Variants in R3HCC1L observed in about 807,000 individuals in gnomAD.
R3HCC1L encodes R3H domain and coiled-coil containing 1 like.
R3HCC1L carries 51 observed loss-of-function variants against 59.9 expected under a neutral mutation model. The ratio of observed to expected loss-of-function variants is 0.85; its 90% CI spans 0.68 to 1.07. The LOEUF is 1.07. R3HCC1L is among the 50% of genes least tolerant of loss of function. The pLI, the probability that R3HCC1L is intolerant of heterozygous loss-of-function variation, is 0.00. For synonymous variants in R3HCC1L, 322 were observed against 315.2 expected (o/e 1.02, Z -0.23); for missense variants, 965 against 933.0 (o/e 1.03, Z -0.45).
At chr10:98,140,245 C>T (rs953061956) in intron 1 of R3HCC1L, among the ~76,000 whole-genome samples, 3 of 152,126 alleles carry the variant, frequency 2.0e-5, no homozygotes, top group African/African-American at 4.8e-5. Context: ...GTATGCCAGT[C>T]GTCCTGTTTC....
chr10:98,213,321 C>T (rs191088550), intron 5 of R3HCC1L, among the ~76,000 whole-genome samples: 3 of 152,280 alleles, frequency 2.0e-5, no homozygotes, highest in East Asian at 3.9e-4. Context: ...GTTAAAGGCA[C>T]TGTGCTGCAT....
rs1012182832 is a variant in R3HCC1L, at chr10:98,156,786, C to T, written c.-213+639C>T. On this transcript the variant is annotated intron_variant, in intron 2 of 9. Coordinates refer to ENST00000298999, the MANE Select transcript of R3HCC1L (RefSeq NM_001351015.2). The stretch of plus-strand genomic sequence containing the variant: ...TCAGAAGTAAGGGGCTAAGCTAACA[C>T]TGATTGGCTTGTAAAAGAAAAGTAA... Among the ~76,000 whole-genome samples the T allele has an allele frequency of 2.0e-5, 3 of 152,166 alleles. No homozygotes were observed. The East Asian group carries it at 5.8e-4, about 29-fold the overall frequency.
At chr10:98,170,958 T>G (rs1301781195) in intron 4 of R3HCC1L, among the ~76,000 whole-genome samples, 9 of 152,212 alleles carry the variant, frequency 5.9e-5, no homozygotes, top group Non-Finnish European at 5.9e-5. Flanking sequence ...TGTAAGATAG[T>G]GAATAGCTTT....
intron 5 of R3HCC1L, among the ~76,000 whole-genome samples, chr10:98,220,935 A>C (rs1854851080): frequency 3.5e-5 from 5 of 144,254 alleles, no homozygotes; most frequent in Admixed American, 6.9e-5. Flanking sequence ...CCAGTTCTAG[A>C]TCCCTGAGGA....
chr10:98,210,349 G>A (rs184687067), intron 5 of R3HCC1L, among the ~76,000 whole-genome samples: 1 of 152,262 alleles, frequency 6.6e-6, no homozygotes, highest in Non-Finnish European at 1.5e-5. Context: ...ATACAAGAAA[G>A]TATCATTGTT....
At chr10:98,165,896 G>C (rs1470303421) in intron 4 of R3HCC1L, among the ~76,000 whole-genome samples, 2 of 152,232 alleles carry the variant, frequency 1.3e-5, no homozygotes, top group African/African-American at 4.8e-5. Flanking sequence ...CAGGGACCAG[G>C]TGCGATGGCT....
At chr10:98,204,381 G>A (rs1728014612) in intron 4 of R3HCC1L, among the ~76,000 whole-genome samples, 1 of 151,822 alleles carries the variant, frequency 6.6e-6, no homozygotes, top group African/African-American at 2.4e-5. Context: ...CTCCACCCTG[G>A]GCAACAAGAG....
Position 98,231,763 on chromosome 10 carries a change from T to A in R3HCC1L, c.1961+76T>A, listed in dbSNP as rs527573717. 6.5e-6 allele frequency: 9 copies of A among 1,380,720 alleles called. No individual in the cohort carries two copies. In the African/African-American group the frequency reaches 1.2e-4, roughly 18 times the overall value. The allele number at this position is 1,380,720 out of a possible 1,614,324, so 85.5% of individuals were successfully genotyped here. A position where few individuals can be genotyped will look rare whatever the true frequency, so the allele number is the denominator to read the frequency against. On this transcript the variant is annotated intron_variant, in intron 6 of 9. Coordinates refer to ENST00000298999, the MANE Select transcript of R3HCC1L (RefSeq NM_001351015.2). Reference sequence around the variant, plus strand: ...AAAAAATGTTTTCTGAGAAATCATCTCTTGTTTTTTATATCCCGTTTTTCA... The same window carrying A: ...AAAAAATGTTTTCTGAGAAATCATCACTTGTTTTTTATATCCCGTTTTTCA...
chr10:98,203,221 A>T (rs1852239136), intron 4 of R3HCC1L, among the ~76,000 whole-genome samples: 1 of 152,222 alleles, frequency 6.6e-6, no homozygotes. Flanking sequence ...TTTGCCCTCA[A>T]AAATATTCAG....
chr10:98,242,855 A>G (rs1400042309), intron 9 of R3HCC1L, among the ~76,000 whole-genome samples: 1 of 152,240 alleles, frequency 6.6e-6, no homozygotes, highest in Admixed American at 6.5e-5. Flanking sequence ...TCTGGAATCC[A>G]TTAGACAAAC....
At chr10:98,195,012 A>G (rs1241792072) in intron 4 of R3HCC1L, among the ~76,000 whole-genome samples, 1 of 152,094 alleles carries the variant, frequency 6.6e-6, no homozygotes, top group Non-Finnish European at 1.5e-5. Context: ...AGACATCTGC[A>G]CTCCCATGTT....
chr10:98,193,468 TG>T (rs1851085209), intron 4 of R3HCC1L, among the ~76,000 whole-genome samples: 1 of 152,200 alleles, frequency 6.6e-6, no homozygotes, highest in Non-Finnish European at 1.5e-5. Context: ...CTTGTGTTTC[TG>T]TGCACTAACA....
At chr10:98,238,205 T>C (rs541158727) in intron 9 of R3HCC1L, among the ~76,000 whole-genome samples, 2 of 152,348 alleles carry the variant, frequency 1.3e-5, no homozygotes, top group African/African-American at 4.8e-5. Context: ...GTGCATATTT[T>C]TGTCATTACT....
At chr10:98,216,732 C>G (rs1439483680) in intron 5 of R3HCC1L, among the ~76,000 whole-genome samples, 1 of 152,010 alleles carries the variant, frequency 6.6e-6, no homozygotes, top group African/African-American at 2.4e-5. Context: ...ACCACCATGC[C>G]TGTCTAATTT....
intron 1 of R3HCC1L, among the ~76,000 whole-genome samples, chr10:98,144,594 C>G (rs1012777988): frequency 6.6e-6 from 1 of 152,178 alleles, no homozygotes; most frequent in African/African-American, 2.4e-5. Flanking sequence ...TTGTCCTTGC[C>G]AAACTGAAAA....
intron 1 of R3HCC1L, among the ~76,000 whole-genome samples, chr10:98,143,530 TG>T (rs1845377000): frequency 6.6e-6 from 1 of 152,216 alleles, no homozygotes; most frequent in East Asian, 1.9e-4. Context: ...TTTTGTACCA[TG>T]TTTCTTGTTT....
intron 5 of R3HCC1L, among the ~76,000 whole-genome samples, chr10:98,218,170 G>C (rs906634703): frequency 2.0e-5 from 3 of 152,064 alleles, no homozygotes; most frequent in African/African-American, 7.2e-5. Context: ...TTATTATGTT[G>C]AGGTATGTTT....
At chr10:98,142,244 G>A (rs1845214824) in intron 1 of R3HCC1L, among the ~76,000 whole-genome samples, 1 of 152,132 alleles carries the variant, frequency 6.6e-6, no homozygotes, top group Non-Finnish European at 1.5e-5. Flanking sequence ...TAAACGATAT[G>A]CATGTTCACT....
intron 5 of R3HCC1L, among the ~76,000 whole-genome samples, chr10:98,223,531 A>T (rs758904293): frequency 1.1e-4 from 17 of 151,776 alleles, no homozygotes; most frequent in South Asian, 2.1e-4. Context: ...TTTCATAGGG[A>T]AAATACTTTT....
Sources: allele counts gnomAD v4.1 joint callset (sites outside exome capture counted in the v4.1 genomes callset), GRCh38; gene constraint gnomAD v4.1.1; transcripts MANE v1.5; gene names NCBI Gene and HGNC (gene_info 2026-07-23, HGNC 2026-07-21).